Variants in PANX1 observed in about 807,000 individuals in gnomAD.
The protein encoded by PANX1 is pannexin-1.
A neutral mutation model predicts 38.7 loss-of-function variants in PANX1; 30 were observed. The observed-to-expected ratio is 0.78, with a 90% confidence interval of 0.58 to 1.05. The LOEUF (loss-of-function observed/expected upper bound fraction) is 1.05, where lower values mean the gene tolerates loss of function less well. Ranked by LOEUF, PANX1 falls within the 50% of genes least tolerant of loss-of-function variation. The pLI is 0.00. For missense variants in PANX1, 551 were observed against 517.2 expected (o/e 1.07, Z -0.63); for synonymous variants, 230 against 212.2 (o/e 1.08, Z -0.73).
intron 1 of PANX1, among the ~76,000 whole-genome samples, chr11:94,151,388 G>A (rs1565376921): frequency 1.3e-5 from 2 of 152,216 alleles, no homozygotes; most frequent in East Asian, 1.9e-4. Flanking sequence ...GTTAATAAAT[G>A]TTGGATACTT....
Position 94,129,289 on chromosome 11 carries a change from G to C in PANX1, c.-24G>C, listed in dbSNP as rs370158352. On this transcript the variant is annotated 5_prime_UTR_variant, in exon 1 of 5. Coordinates refer to ENST00000227638, the MANE Select transcript of PANX1 (RefSeq NM_015368.4). ...GACGCCGGCTGTACCCGGACCTCCT[G>C]GTCGAGCCTGGCGCGCCGCAGCCAT... The C allele has an allele frequency of 1.8e-5, 29 of 1,589,608 alleles. No individual in the cohort carries two copies. The highest frequency in any genetic ancestry group is 2.4e-5 in the Non-Finnish European group (28 of 1,162,212).
At chr11:94,134,113 A>G (rs536331478) in intron 1 of PANX1, among the ~76,000 whole-genome samples, 19 of 152,344 alleles carry the variant, frequency 1.2e-4, no homozygotes, top group African/African-American at 4.3e-4. Context: ...CGTGTGCCTC[A>G]GATTCTTTTT....
intron 2 of PANX1, among the ~76,000 whole-genome samples, chr11:94,160,195 T>G (rs11499550): frequency 1.3e-5 from 2 of 152,104 alleles, no homozygotes; most frequent in Non-Finnish European, 2.9e-5. Flanking sequence ...GAGAAGAATG[T>G]ATATTCTGTT....
intron 1 of PANX1, among the ~76,000 whole-genome samples, chr11:94,140,622 CAGT>C (rs748593919): frequency 6.6e-5 from 10 of 152,164 alleles, no homozygotes; most frequent in Non-Finnish European, 1.3e-4. Flanking sequence ...CTACTACAAA[CAGT>C]GGTTTAATGA....
At chr11:94,150,645 C>A (rs973825243) in intron 1 of PANX1, among the ~76,000 whole-genome samples, 1 of 152,112 alleles carries the variant, frequency 6.6e-6, no homozygotes, top group African/African-American at 2.4e-5. Context: ...GTGCCGGTCC[C>A]CTGTACCCTC....
chr11:94,178,263 A>C, intron 2 of PANX1, 106 bp from the exon 3 acceptor site: 1 of 839,978 alleles, frequency 1.2e-6, no homozygotes, highest in Non-Finnish European at 1.9e-6. Context: ...CAATTTCCAC[A>C]ATACACATTT....
At chr11:94,136,493 C>A (rs1482348042) in intron 1 of PANX1, among the ~76,000 whole-genome samples, 1 of 152,192 alleles carries the variant, frequency 6.6e-6, no homozygotes, top group Non-Finnish European at 1.5e-5. Context: ...AAACTTGATA[C>A]ATATCGGCCG....
At chr11:94,130,765 G>A (rs930412726) in intron 1 of PANX1, among the ~76,000 whole-genome samples, 6 of 152,160 alleles carry the variant, frequency 3.9e-5, no homozygotes, top group African/African-American at 1.2e-4. Context: ...CTGGTCAAAC[G>A]TGCTGCGGAG....
intron 2 of PANX1, among the ~76,000 whole-genome samples, chr11:94,158,722 T>C (rs1349896631): frequency 6.6e-6 from 1 of 152,234 alleles, no homozygotes; most frequent in African/African-American, 2.4e-5. Flanking sequence ...CCTCTTTTCC[T>C]GATTGAATGC....
intron 2 of PANX1, among the ~76,000 whole-genome samples, chr11:94,167,052 A>T (rs964981445): frequency 6.6e-6 from 1 of 152,136 alleles, no homozygotes; most frequent in East Asian, 1.9e-4. Context: ...GGGGCAGAAG[A>T]TTCCCCTCTG....
At chr11:94,179,017 AC>A (rs1454836652) in intron 3 of PANX1, among the ~76,000 whole-genome samples, 1 of 152,066 alleles carries the variant, frequency 6.6e-6, no homozygotes, top group African/African-American at 2.4e-5. Flanking sequence ...CCTTTTCACA[AC>A]CTTCTTTTGG....
At chr11:94,135,756 T>C (rs1200908583) in intron 1 of PANX1, among the ~76,000 whole-genome samples, 2 of 152,246 alleles carry the variant, frequency 1.3e-5, no homozygotes, top group Non-Finnish European at 2.9e-5. Flanking sequence ...TCTTTCACTA[T>C]GTGCTGAAGG....
At chr11:94,159,420 C>T (rs1248497380) in intron 2 of PANX1, among the ~76,000 whole-genome samples, 1 of 152,154 alleles carries the variant, frequency 6.6e-6, no homozygotes, top group Non-Finnish European at 1.5e-5. Context: ...ATTTTTGCCT[C>T]AATTTCAGAG....
chr11:94,155,986 C>T (rs765978644), intron 2 of PANX1, among the ~76,000 whole-genome samples: 50 of 152,166 alleles, frequency 3.3e-4, no homozygotes, highest in African/African-American at 1.0e-3. Flanking sequence ...AGTTTAAGTT[C>T]GTTTGTTATA....
At chr11:94,130,698 A>G (rs1467992706) in intron 1 of PANX1, among the ~76,000 whole-genome samples, 2 of 152,198 alleles carry the variant, frequency 1.3e-5, no homozygotes, top group Admixed American at 6.5e-5. Flanking sequence ...TGTGCGATCA[A>G]GGAGTAAATA....
In PANX1 at chr11:94,178,565, C is replaced by A. The variant is rs781732515; in HGVS notation, c.518C>A (p.Pro173Gln). ...LDMRDGACSV[P>Q]GVTENLGQSL... ...ATGAGAGATGGAGCCTGCTCAGTTC[C>A]AGGTGTTACCGAGAACTTAGGGCAA... is the stretch of plus-strand genomic sequence containing the variant. Residue 173 changes from proline (P) to glutamine (Q), a missense_variant, in exon 3 of 5, where the codon CCA becomes CAA. Coordinates refer to ENST00000227638, the MANE Select transcript of PANX1 (RefSeq NM_015368.4). The A allele has an allele frequency of 4.0e-5, 65 of 1,613,924 alleles. No homozygotes were observed. The highest frequency in any genetic ancestry group is 5.0e-5 in the Non-Finnish European group (59 of 1,179,858).
intron 2 of PANX1, among the ~76,000 whole-genome samples, chr11:94,175,543 A>T (rs1289241178): frequency 6.6e-6 from 1 of 151,772 alleles, no homozygotes; most frequent in Non-Finnish European, 1.5e-5. Flanking sequence ...CATTATTCAA[A>T]TAGCTTTGAA....
rs1591530128 is a variant in PANX1, at chr11:94,181,516, C to T, written c.*647C>T. 1.3e-5 allele frequency: 2 copies of T among 152,252 alleles called. No homozygotes were observed. Among genetic ancestry groups the T allele is most frequent in the African/African-American group, 2.4e-5 (1 of 41,462 alleles). The allele number at this position is 152,252 out of a possible 1,614,324, so 9.4% of individuals were successfully genotyped here. A position where few individuals can be genotyped will look rare whatever the true frequency, so the allele number is the denominator to read the frequency against. On this transcript the variant is annotated 3_prime_UTR_variant, in exon 5 of 5. Transcript: ENST00000227638. ...TGAAGGGCAGCAGGCCCAAGTGCTG[C>T]TCTGACTGAAAACTGAGTTAACAAG...
chr11:94,160,978 T>C (rs1282206996), intron 2 of PANX1, among the ~76,000 whole-genome samples: 3 of 152,236 alleles, frequency 2.0e-5, no homozygotes, highest in African/African-American at 7.2e-5. Flanking sequence ...TCTCCTTCGC[T>C]TATGAAGCTT....
Sources: gnomAD v4.1 joint callset for allele counts (sites outside exome capture counted in the v4.1 genomes callset) on GRCh38, gnomAD v4.1.1 for gene constraint, MANE v1.5 for transcripts, NCBI Gene and HGNC (gene_info 2026-07-23, HGNC 2026-07-21) for gene names.